Variants in AADAC observed in about 807,000 individuals in gnomAD.
AADAC encodes the protein arylacetamide deacetylase (esterase).
A neutral mutation model predicts 22.7 loss-of-function variants in AADAC; 17 were observed. That is an observed-to-expected ratio of 0.75 (90% CI 0.51 to 1.12). The LOEUF (loss-of-function observed/expected upper bound fraction) is 1.12. Ranked by LOEUF, AADAC falls within the 50% of genes most tolerant of loss-of-function variation. AADAC has a pLI of 0.00. For missense variants in AADAC, 465 were observed against 473.9 expected (o/e 0.98, Z 0.17); for synonymous variants, 167 against 176.3 (o/e 0.95, Z 0.42).
At chr3:151,824,539 C>G (rs1576645034) in intron 3 of AADAC, 124 bp from the exon 4 acceptor site, 1 of 625,328 alleles carries the variant, frequency 1.6e-6, no homozygotes, top group Non-Finnish European at 2.4e-6. Context: ...TTATGTGCAC[C>G]TCCAGCATGT....
At position 151,820,065 on chromosome 3, in the gene AADAC, A is replaced by C. The variant is rs138842371; in HGVS notation, c.362-318A>C. 1.8e-3 allele frequency among the ~76,000 whole-genome samples: 279 copies of C among 152,136 alleles called. 6 individuals carry two copies. The highest frequency in any genetic ancestry group is 0.013 in the Admixed American group (204 of 15,282). On this transcript the variant is annotated intron_variant, in intron 2 of 4. Coordinates refer to ENST00000232892, the MANE Select transcript of AADAC (RefSeq NM_001086.3). ...ATACCCATCATCTAAAACAGAGCCA[A>C]ATCAGTACCTCCTTCCAGTATACAC...
chr3:151,823,222 G>A (rs1172085964), intron 3 of AADAC, among the ~76,000 whole-genome samples: 1 of 151,570 alleles, frequency 6.6e-6, no homozygotes, highest in African/African-American at 2.4e-5. Context: ...AGGTTGCGGT[G>A]AGCCGAGATT....
rs753944393 is a variant in AADAC, at chr3:151,828,027, A to G, written c.1055A>G (p.Tyr352Cys). 6.2e-7 allele frequency: 1 copy of G among 1,613,320 alleles called. No homozygotes were observed. The highest frequency in any genetic ancestry group is 8.5e-7 in the Non-Finnish European group (1 of 1,179,496). Residue 352 changes from tyrosine to cysteine, a missense_variant, in exon 5 of 5, where the codon TAT becomes TGT. Coordinates refer to ENST00000232892, the MANE Select transcript of AADAC (RefSeq NM_001086.3). ...YDLLRDDGLM[Y>C]VTRLRNTGVQ... is the part of the protein sequence containing the mutation. ...CTCTTAAGAGATGATGGACTCATGT[A>G]TGTCACCCGACTTCGCAACACTGGG...
At chr3:151,822,344 A>G (rs1716285201) in intron 3 of AADAC, among the ~76,000 whole-genome samples, 1 of 151,964 alleles carries the variant, frequency 6.6e-6, no homozygotes, top group South Asian at 2.1e-4. Context: ...CCATATAAAA[A>G]CTTGTATGTT....
In AADAC at chr3:151,828,294, T is replaced by C; in HGVS notation, c.*122T>C. ...TTCCACATGTAGCATAATTCTTAAA[T>C]AGGCACTTTTCTGTTTTTTTTTTCT... On this transcript the variant is annotated 3_prime_UTR_variant, in exon 5 of 5. Transcript: ENST00000232892. 1 of 502,384 alleles carries C rather than the reference T, an allele frequency of 2.0e-6. No homozygotes were observed. 31.1% of individuals were successfully genotyped at this position (502,384 alleles called of 1,614,324 possible).
chr3:151,818,259 A>G (rs1716083447), intron 2 of AADAC, among the ~76,000 whole-genome samples: 1 of 151,832 alleles, frequency 6.6e-6, no homozygotes. Context: ...AAAAAAAGAA[A>G]AAAATCCTGT....
At chr3:151,821,507 A>C (rs547351266) in intron 3 of AADAC, among the ~76,000 whole-genome samples, 1 of 151,970 alleles carries the variant, frequency 6.6e-6, no homozygotes, top group Non-Finnish European at 1.5e-5. Context: ...ACTCATCACC[A>C]TTTGTCAAGT....
In AADAC at chr3:151,814,377, A is replaced by G. The variant is rs569973687; in HGVS notation, c.138+77A>G. 48 of 1,379,244 alleles carry G rather than the reference A, an allele frequency of 3.5e-5. No homozygotes were observed. In the East Asian group the frequency reaches 1.1e-3, roughly 31 times the overall value. The allele number at this position is 1,379,244 out of a possible 1,614,324, so 85.4% of individuals were successfully genotyped here. A position where few individuals can be genotyped will look rare whatever the true frequency, so the allele number is the denominator to read the frequency against. ...AGAGAATTAAGTTTTTCAAGATTCT[A>G]TTCTTTTGATTTATTGACTTATTCA... is the stretch of plus-strand genomic sequence containing the variant. On this transcript the variant is annotated intron_variant, in intron 1 of 4. Coordinates refer to ENST00000232892, the MANE Select transcript of AADAC (RefSeq NM_001086.3).
Position 151,814,239 on chromosome 3 carries a change from A to C in AADAC, c.77A>C (p.Asn26Thr). ...TATATTTATACGCCTCTCCCAGATAACGTTGAGGAGCCATGGAGAATGATG... is the reference window on the plus strand; with the variant it reads ...TATATTTATACGCCTCTCCCAGATACCGTTGAGGAGCCATGGAGAATGATG... ...AYYIYTPLPD[N>T]VEEPWRMMWI... Residue 26 changes from asparagine (N) to threonine (T), a missense_variant, in exon 1 of 5, where the codon AAC becomes ACC. Physicochemically the swap from Asn to Thr is moderately conservative, Grantham distance 65 (BLOSUM62 0). Transcript: ENST00000232892. 1 of 1,613,262 alleles carries C rather than the reference A, an allele frequency of 6.2e-7. No individual in the cohort carries two copies. The highest frequency in any genetic ancestry group is 1.3e-5 in the African/African-American group (1 of 75,012).
chr3:151,821,877 T>C (rs942992603), intron 3 of AADAC, among the ~76,000 whole-genome samples: 6 of 151,846 alleles, frequency 4.0e-5, no homozygotes, highest in Admixed American at 2.0e-4. Context: ...TAATTTTGGT[T>C]ATATTTAAAT....
In AADAC at chr3:151,814,305, G is replaced by T. The variant is rs764827626; in HGVS notation, c.138+5G>T. 1 of 1,609,248 alleles carries T rather than the reference G, an allele frequency of 6.2e-7. No homozygotes were observed. Among genetic ancestry groups the T allele is most frequent in the South Asian group, 1.1e-5 (1 of 90,484 alleles). ...CTGAAAACTATACAAAATTTGGTAAGTTTGGAATTTTATGAATTCAGATGT... is the reference window on the plus strand; with the variant it reads ...CTGAAAACTATACAAAATTTGGTAATTTTGGAATTTTATGAATTCAGATGT... On this transcript the variant is annotated splice_donor_5th_base_variant and intron_variant, in intron 1 of 4. Coordinates refer to ENST00000232892, the MANE Select transcript of AADAC (RefSeq NM_001086.3).
Position 151,827,595 on chromosome 3 carries a change from T to C in AADAC, c.623T>C (p.Val208Ala). The change falls in exon 5 of 5, where the codon GTC becomes GCC. Residue 208 changes from valine to alanine, a missense_variant. By Grantham distance (64) the Val-to-Ala change is moderately conservative. Coordinates refer to ENST00000232892, the MANE Select transcript of AADAC (RefSeq NM_001086.3). ...TCTCAGCTCCTTGATGACCCAGATGTCAAGATCAAACTCAAGATCCAGTCT... is the reference window on the plus strand; with the variant it reads ...TCTCAGCTCCTTGATGACCCAGATGCCAAGATCAAACTCAAGATCCAGTCT... ...VTQQLLDDPDVKIKLKIQSLI... is the reference protein window; with the variant it reads ...VTQQLLDDPDAKIKLKIQSLI... 6.4e-7 allele frequency: 1 copy of C among 1,572,418 alleles called. No individual in the cohort carries two copies. Among genetic ancestry groups the C allele is most frequent in the Non-Finnish European group, 8.6e-7 (1 of 1,159,212 alleles).
Position 151,817,591 on chromosome 3 carries a change from A to G in AADAC, c.361+3A>G. The G allele has an allele frequency of 6.2e-7, 1 of 1,611,836 alleles. No homozygotes were observed. The highest frequency in any genetic ancestry group is 2.2e-5 in the East Asian group (1 of 44,872). On this transcript the variant is annotated splice_donor_region_variant and intron_variant, in intron 2 of 4. Transcript: ENST00000232892. The stretch of plus-strand genomic sequence containing the variant: ...AGGCTGGTGCGTGGGAAGTGCTGGT[A>G]AGTGAATGCTTTGAAAAATCTCTGT...
intron 3 of AADAC, among the ~76,000 whole-genome samples, chr3:151,820,788 G>A (rs1273592144): frequency 1.6e-5 from 2 of 127,248 alleles, no homozygotes; most frequent in African/African-American, 5.9e-5. Flanking sequence ...AAAGTGCTGG[G>A]ATTACAGGCG....
At chr3:151,825,028 A>G (rs528573333) in intron 4 of AADAC, among the ~76,000 whole-genome samples, 194 bp downstream of exon 4, 3 of 151,592 alleles carry the variant, frequency 2.0e-5, no homozygotes, top group Non-Finnish European at 2.9e-5. Flanking sequence ...TCTGTCATAG[A>G]TTTTTTTTTC....
chr3:151,817,686 C>T lies in AADAC; in HGVS notation c.361+98C>T, dbSNP rs1014012644. 48 of 1,039,524 alleles carry T rather than the reference C, an allele frequency of 4.6e-5. 1 individual carries two copies. Among genetic ancestry groups the T allele is most frequent in the East Asian group, 7.2e-5 (3 of 41,458 alleles). The allele number at this position is 1,039,524 out of a possible 1,614,324, so 64.4% of individuals were successfully genotyped here. ...CACATGCCCTTCGGCATGGACATTA[C>T]TGCCTCTTTTATCTTCTCGTGCTTT... On this transcript the variant is annotated intron_variant, in intron 2 of 4. Transcript: ENST00000232892.
Position 151,824,951 on chromosome 3 carries a change from T to A in AADAC, c.603+117T>A, listed in dbSNP as rs574317907. The A allele has an allele frequency of 2.2e-4, 151 of 672,702 alleles. 2 individuals are homozygous for A. Among genetic ancestry groups the A allele is most frequent in the East Asian group, 1.2e-3 (34 of 28,128 alleles). 41.7% of individuals were successfully genotyped at this position (672,702 alleles called of 1,614,324 possible). A position where few individuals can be genotyped will look rare whatever the true frequency, so the allele number is the denominator to read the frequency against. ...TATGAATGCAAATAGGAGATATTGATTTTTTGAAACTATTAAAGAGAATAT... is the reference window on the plus strand; with the variant it reads ...TATGAATGCAAATAGGAGATATTGAATTTTTGAAACTATTAAAGAGAATAT... On this transcript the variant is annotated intron_variant, in intron 4 of 4. Coordinates refer to ENST00000232892, the MANE Select transcript of AADAC (RefSeq NM_001086.3).
At position 151,825,416 on chromosome 3, in the gene AADAC, A is replaced by G. The variant is rs183519571; in HGVS notation, c.603+582A>G. Among the ~76,000 whole-genome samples the G allele has an allele frequency of 9.0e-3, 1,367 of 151,816 alleles. 25 individuals are homozygous for G. The highest frequency in any genetic ancestry group is 0.018 in the Admixed American group (281 of 15,200). On this transcript the variant is annotated intron_variant, in intron 4 of 4. Coordinates refer to ENST00000232892, the MANE Select transcript of AADAC (RefSeq NM_001086.3). ...TCTTAAAAGCATAAAAAATAAAATA[A>G]TATGTGTCAGTAAAATATTATATTA...
Position 151,828,026 on chromosome 3 carries a change from T to C in AADAC, c.1054T>C (p.Tyr352His). Residue 352 changes from tyrosine (Y) to histidine (H), a missense_variant, in exon 5 of 5, where the codon TAT becomes CAT. By Grantham distance (83) the Tyr-to-His change is moderately conservative. Transcript: ENST00000232892. ...TCTCTTAAGAGATGATGGACTCATG[T>C]ATGTCACCCGACTTCGCAACACTGG... ...YDLLRDDGLMYVTRLRNTGVQ... is the reference protein window; with the variant it reads ...YDLLRDDGLMHVTRLRNTGVQ... 1 of 1,613,424 alleles carries C rather than the reference T, an allele frequency of 6.2e-7. No homozygotes were observed. Among genetic ancestry groups the C allele is most frequent in the South Asian group, 1.1e-5 (1 of 91,070 alleles).
Sources: allele counts gnomAD v4.1 joint callset (sites outside exome capture counted in the v4.1 genomes callset), GRCh38; gene constraint gnomAD v4.1.1; transcripts MANE v1.5; gene names NCBI Gene and HGNC (gene_info 2026-07-23, HGNC 2026-07-21).